Variants in SLC43A1 observed in about 807,000 individuals in gnomAD.
The protein encoded by SLC43A1 is solute carrier family 43 member 1.
Under a neutral mutation model 59.5 loss-of-function variants are expected in SLC43A1, and 31 were observed. The observed-to-expected ratio is 0.52, with a 90% CI of 0.39 to 0.70. The LOEUF is 0.70. Ranked by LOEUF, SLC43A1 falls within the 30% of genes least tolerant of loss-of-function variation. SLC43A1 has a pLI of 0.00. For synonymous variants in SLC43A1, 259 were observed against 290.9 expected, an observed-to-expected ratio of 0.89 and a Z score of 1.12; for missense variants, 598 against 717.8, an observed-to-expected ratio of 0.83 and a Z score of 1.91.
chr11:57,497,454 A>T (rs1944120026), intron 6 of SLC43A1, among the ~76,000 whole-genome samples: 1 of 152,226 alleles, frequency 6.6e-6, no homozygotes, highest in African/African-American at 2.4e-5. Context: ...GCTGGACTTG[A>T]TTCTGTAGGT....
chr11:57,489,846 G>C (rs1943849515), intron 11 of SLC43A1, among the ~76,000 whole-genome samples: 2 of 152,218 alleles, frequency 1.3e-5, no homozygotes, highest in Admixed American at 6.5e-5. Flanking sequence ...ATGCCCTCCT[G>C]GGGACAGCAG....
At chr11:57,500,711 A>G in intron 5 of SLC43A1, 68 bp downstream of exon 5, 1 of 1,399,108 alleles carries the variant, frequency 7.1e-7, no homozygotes, top group Non-Finnish European at 1.0e-6. Flanking sequence ...TACTGCCCTC[A>G]CCCCACTCAC....
Position 57,515,324 on chromosome 11 carries a change from G to T in SLC43A1, c.-14+120C>A, listed in dbSNP as rs910410501. ...GACACTGTGCCGCGGGACCGCGGGC[G>T]CAAGTAACGGTCTTTCCTTGGGAAG... On this transcript the variant is annotated intron_variant, in intron 1 of 14. Transcript: ENST00000278426. This position sits in a 1 kb window ranked among gnomAD's most constrained non-coding sequence, Gnocchi z 5.3. 6.6e-6 allele frequency: 1 copy of T among 152,496 alleles called. No homozygotes were observed. The highest frequency in any genetic ancestry group is 1.5e-5 in the Non-Finnish European group (1 of 68,294). The allele number at this position is 152,496 out of a possible 1,614,324, so 9.4% of individuals were successfully genotyped here.
chr11:57,491,488 A>G, intron 10 of SLC43A1, 103 bp downstream of exon 10: 1 of 1,582,562 alleles, frequency 6.3e-7, no homozygotes. Context: ...ACATCCCACA[A>G]AAGGGTTACC....
At chr11:57,496,260 T>C in intron 6 of SLC43A1, 96 bp from the exon 7 acceptor site, 1 of 1,424,948 alleles carries the variant, frequency 7.0e-7, no homozygotes, top group Non-Finnish European at 9.5e-7. Context: ...AGAAGTTCTC[T>C]TCTCCCCTTG....
At chr11:57,491,674 C>A in intron 9 of SLC43A1, 42 bp downstream of exon 9, 1 of 1,614,170 alleles carries the variant, frequency 6.2e-7, no homozygotes, top group East Asian at 2.2e-5. Context: ...CAGGGTGACC[C>A]GCCTGTGCCC....
Position 57,501,224 on chromosome 11 carries a change from A to G in SLC43A1, c.260T>C (p.Leu87Pro). ...CCCCAGTGGCAGGGTGGTGGCGCTG[A>G]GCACGAAGGAACCAATGGTGAAGCC... Reference protein sequence around the residue: ...NLGFTIGSFVLSATTLPLGIL... With the variant: ...NLGFTIGSFVPSATTLPLGIL... Residue 87 changes from leucine to proline, a missense_variant, in exon 3 of 15, where the codon CTC becomes CCC. Physicochemically the swap from Leu to Pro is moderately conservative, Grantham distance 98. Transcript: ENST00000278426. The G allele has an allele frequency of 6.2e-7, 1 of 1,612,430 alleles. No homozygotes were observed. Among genetic ancestry groups the G allele is most frequent in the Non-Finnish European group, 8.5e-7 (1 of 1,180,022 alleles).
At chr11:57,493,799 C>T (rs532116516) in intron 8 of SLC43A1, among the ~76,000 whole-genome samples, 194 bp downstream of exon 8, 1 of 152,340 alleles carries the variant, frequency 6.6e-6, no homozygotes, top group Admixed American at 6.5e-5. Context: ...CAGGGTAACC[C>T]TGAATCTGAA....
intron 5 of SLC43A1, chr11:57,499,592 C>G (rs1012446313): frequency 2.6e-5 from 4 of 152,272 alleles, no homozygotes; most frequent in African/African-American, 9.6e-5. Flanking sequence ...CCCGGGCTGG[C>G]GGCCTTGCAG....
At chr11:57,486,439 T>A (rs1565121737) in intron 14 of SLC43A1, among the ~76,000 whole-genome samples, 1 of 150,888 alleles carries the variant, frequency 6.6e-6, no homozygotes, top group Non-Finnish European at 1.5e-5. Flanking sequence ...GAGGCTGCAG[T>A]GAGCTGTGAT....
chr11:57,504,185 A>C (rs568645708), intron 2 of SLC43A1, among the ~76,000 whole-genome samples: 1 of 152,344 alleles, frequency 6.6e-6, no homozygotes, highest in African/African-American at 2.4e-5. Flanking sequence ...TGACAGAGCA[A>C]GACTCCGTCT....
chr11:57,513,008 GAGA>G (rs1203526555), intron 2 of SLC43A1, among the ~76,000 whole-genome samples: 2 of 152,162 alleles, frequency 1.3e-5, no homozygotes, highest in Admixed American at 6.5e-5. Context: ...CAGGAGCAAC[GAGA>G]AGGACACTAA....
intron 2 of SLC43A1, among the ~76,000 whole-genome samples, chr11:57,512,731 C>T (rs1031787186): frequency 2.0e-5 from 3 of 151,986 alleles, no homozygotes; most frequent in African/African-American, 7.3e-5. Context: ...CCCAACCCAC[C>T]CAGCCATCCC....
In SLC43A1 at chr11:57,489,315, G is replaced by T; in HGVS notation, c.1271C>A (p.Thr424Asn). 1 of 1,614,196 alleles carries T rather than the reference G, an allele frequency of 6.2e-7. No homozygotes were observed. The highest frequency in any genetic ancestry group is 8.5e-7 in the Non-Finnish European group (1 of 1,180,032). Residue 424 changes from threonine (T) to asparagine (N), a missense_variant, in exon 12 of 15, where the codon ACC (threonine) becomes AAC (asparagine). Thr to Asn is a moderately conservative substitution (Grantham distance 65, BLOSUM62 0). Transcript: ENST00000278426. ...ACCCACAAGCAGCAGGTTGGTCAGGGTGAAGGCACTGATGGCATTGGTGAG... is the reference window on the plus strand; with the variant it reads ...ACCCACAAGCAGCAGGTTGGTCAGGTTGAAGGCACTGATGGCATTGGTGAG... ...QKLTNAISAFTLTNLLLVGFG... is the reference protein window; with the variant it reads ...QKLTNAISAFNLTNLLLVGFG...
At chr11:57,493,606 C>G (rs1328523277) in intron 8 of SLC43A1, among the ~76,000 whole-genome samples, 1 of 152,162 alleles carries the variant, frequency 6.6e-6, no homozygotes, top group East Asian at 1.9e-4. Flanking sequence ...CCTCCTGTGA[C>G]CAGCAGGGGG....
chr11:57,487,299 T>C, intron 13 of SLC43A1, 81 bp from the exon 14 acceptor site: 3 of 1,523,494 alleles, frequency 2.0e-6, no homozygotes, highest in Non-Finnish European at 2.7e-6. Context: ...CTCCCCACCA[T>C]GGTCCCCGCT....
Position 57,509,954 on chromosome 11 carries a change from T to G in SLC43A1, c.154+4004A>C, listed in dbSNP as rs140991741. 3.9e-4 allele frequency among the ~76,000 whole-genome samples: 60 copies of G among 152,248 alleles called. 1 individual carries two copies. In the East Asian group the frequency reaches 9.7e-3, roughly 25 times the overall value. On this transcript the variant is annotated intron_variant, in intron 2 of 14. Transcript: ENST00000278426. ...TTTTACAAATCATATGTAGGAGACT[T>G]ATATCTAGAACATAAAGAACTCTTA...
intron 2 of SLC43A1, among the ~76,000 whole-genome samples, chr11:57,503,317 T>TC (rs1461122468): frequency 6.7e-6 from 1 of 149,750 alleles, no homozygotes; most frequent in Non-Finnish European, 1.5e-5. Context: ...TTTTTTTTTT[T>TC]GAGACAGGGT....
intron 2 of SLC43A1, 80 bp from the exon 3 acceptor site, chr11:57,501,409 G>T (rs1944265599): frequency 6.7e-7 from 1 of 1,488,628 alleles, no homozygotes; most frequent in Non-Finnish European, 9.2e-7. Context: ...CAGTCAGGCG[G>T]CCTGCTTTCA....
Sources: allele counts gnomAD v4.1 joint callset (sites outside exome capture counted in the v4.1 genomes callset), GRCh38; gene constraint gnomAD v4.1.1; non-coding constraint Gnocchi (gnomAD v3.1); transcripts MANE v1.5; gene names NCBI Gene and HGNC (gene_info 2026-07-23, HGNC 2026-07-21).